Variants in PCGF3 observed in about 807,000 individuals in gnomAD.
PCGF3 encodes polycomb group ring finger 3.
PCGF3 carries 7 observed loss-of-function variants against 33.1 expected under a neutral mutation model. That is an observed-to-expected ratio of 0.21 (90% confidence interval 0.12 to 0.40). The LOEUF (loss-of-function observed/expected upper bound fraction) is 0.40, where lower values mean the gene tolerates loss of function less well. Among genes scored for constraint, PCGF3 ranks in the 10% least tolerant of loss-of-function variants. The probability of loss-of-function intolerance (pLI) is 1.00; values close to 1 mark genes in which losing one functional copy is unlikely to be tolerated. For missense variants in PCGF3, 211 were observed against 313.3 expected, an observed-to-expected ratio of 0.67 and a Z score of 2.46; for synonymous variants, 153 against 121.3, an observed-to-expected ratio of 1.26 and a Z score of -1.72.
exon 11 of PCGF3, chr4:769,548 AG>A: frequency 6.5e-6 from 1 of 152,842 alleles, no homozygotes; most frequent in South Asian, 2.1e-4. Flanking sequence ...TAAGTAGATT[AG>A]AAAATCATTC....
intron 8 of PCGF3, among the ~76,000 whole-genome samples, chr4:750,966 G>A (rs769427153): frequency 1.3e-5 from 2 of 152,036 alleles, no homozygotes; most frequent in South Asian, 2.1e-4. Flanking sequence ...GCTGTGTTAC[G>A]GAGGCCTTTG....
At chr4:731,441 G>T in intron 3 of PCGF3, 1 of 343,800 alleles carries the variant, frequency 2.9e-6, no homozygotes, top group Non-Finnish European at 5.3e-6. Context: ...GAGGCGGTCG[G>T]CTAGCATCCT....
intron 3 of PCGF3, among the ~76,000 whole-genome samples, chr4:733,261 C>T (rs1743691386): frequency 6.6e-6 from 1 of 152,230 alleles, no homozygotes; most frequent in East Asian, 1.9e-4. Context: ...TCCAGGTGCC[C>T]AGAGCCTGCC....
chr4:713,413 T>C (rs1742666818), intron 1 of PCGF3, among the ~76,000 whole-genome samples: 1 of 141,700 alleles, frequency 7.1e-6, no homozygotes, highest in Non-Finnish European at 1.5e-5. Flanking sequence ...GTGGGGGCTG[T>C]GGCCTCGTGG....
At chr4:762,219 AAAT>A (rs1461430786) in intron 9 of PCGF3, 9 of 513,870 alleles carry the variant, frequency 1.8e-5, no homozygotes, top group African/African-American at 2.1e-5. Flanking sequence ...TTTTGGGATG[AAAT>A]AATTCTGGAA....
At chr4:739,132 C>G (rs1382882004) in intron 6 of PCGF3, among the ~76,000 whole-genome samples, 1 of 152,176 alleles carries the variant, frequency 6.6e-6, no homozygotes, top group African/African-American at 2.4e-5. Context: ...GTAGAGATTC[C>G]TTAATACCAA....
intron 8 of PCGF3, among the ~76,000 whole-genome samples, chr4:756,704 C>T (rs34959417): frequency 0.29 from 44,163 of 151,906 alleles, 6,470 homozygotes; most frequent in South Asian, 0.37. Context: ...CCCAGTGTTA[C>T]ACAGCCACCA....
At chr4:743,909 G>C (rs1425456458) in intron 7 of PCGF3, 2 of 235,084 alleles carry the variant, frequency 8.5e-6, no homozygotes, top group Non-Finnish European at 1.7e-5. Context: ...TTGCTTTACT[G>C]TAAAATGGCA....
intron 8 of PCGF3, among the ~76,000 whole-genome samples, chr4:758,424 G>A (rs1744877457): frequency 2.2e-5 from 3 of 139,100 alleles, no homozygotes. Flanking sequence ...CTCCCCGCGC[G>A]GCCCCTCTCC....
chr4:724,543 T>C (rs1473985415), intron 1 of PCGF3, among the ~76,000 whole-genome samples: 1 of 152,242 alleles, frequency 6.6e-6, no homozygotes, highest in Non-Finnish European at 1.5e-5. Context: ...GAAATTATTC[T>C]TGGCCGGGCA....
intron 5 of PCGF3, among the ~76,000 whole-genome samples, chr4:735,278 G>A (rs1274477626): frequency 6.6e-6 from 1 of 152,212 alleles, no homozygotes; most frequent in East Asian, 1.9e-4. Context: ...CGGGCGCAGG[G>A]GCTCATGCCT....
At chr4:761,841 C>A in intron 9 of PCGF3, 1 of 985,318 alleles carries the variant, frequency 1.0e-6, no homozygotes, top group Non-Finnish European at 1.2e-6. Context: ...CATGAACATG[C>A]CAGTGTGGGT....
At chr4:756,749 C>A (rs1744785712) in intron 8 of PCGF3, among the ~76,000 whole-genome samples, 1 of 152,102 alleles carries the variant, frequency 6.6e-6, no homozygotes, top group African/African-American at 2.4e-5. Flanking sequence ...TTTTATCTTC[C>A]CAAACTGAAG....
chr4:711,345 G>A (rs992050208), intron 1 of PCGF3, among the ~76,000 whole-genome samples: 3 of 151,986 alleles, frequency 2.0e-5, no homozygotes, highest in Non-Finnish European at 4.4e-5. Context: ...GTCTTGTTTT[G>A]GTGTATGCTG....
At chr4:708,339 G>A (rs1162541397) in intron 1 of PCGF3, among the ~76,000 whole-genome samples, 1 of 152,138 alleles carries the variant, frequency 6.6e-6, no homozygotes, top group East Asian at 1.9e-4. Flanking sequence ...TGAGGAGCAT[G>A]TAGGCCCCAA....
At chr4:752,002 C>T (rs147210218) in intron 8 of PCGF3, among the ~76,000 whole-genome samples, 7 of 152,386 alleles carry the variant, frequency 4.6e-5, no homozygotes, top group South Asian at 2.1e-4. Flanking sequence ...CGCTGAGCAA[C>T]GCAAAAGCGT....
At position 761,978 on chromosome 4, in the gene PCGF3, C is replaced by T. The variant is rs983182408; in HGVS notation, c.600+562C>T. The T allele has an allele frequency of 1.2e-5, 12 of 985,122 alleles. No homozygotes were observed. The Admixed American group carries it at 3.1e-4, about 25-fold the overall frequency. 61.0% of individuals were successfully genotyped at this position (985,122 alleles called of 1,614,324 possible). ...TGGGTCTGGTGTCGTTTTTGAAAAT[C>T]GCTCAGGCTGTGCAGAAATGGACGC... On this transcript the variant is annotated intron_variant, in intron 9 of 10. Coordinates refer to ENST00000362003, the Ensembl canonical transcript of PCGF3.
At chr4:766,005 G>A in intron 10 of PCGF3, 27 bp from the exon 11 acceptor site, 1 of 1,612,090 alleles carries the variant, frequency 6.2e-7, no homozygotes, top group Non-Finnish European at 8.5e-7. Context: ...CTGCTAAGCA[G>A]GCACTGTGCG....
At chr4:748,584 G>T (rs1310697158) in intron 8 of PCGF3, among the ~76,000 whole-genome samples, 1 of 152,216 alleles carries the variant, frequency 6.6e-6, no homozygotes, top group African/African-American at 2.4e-5. Flanking sequence ...CGTGGGATGT[G>T]ATGGCGTTGC....
Sources: allele counts gnomAD v4.1 joint callset (sites outside exome capture counted in the v4.1 genomes callset), GRCh38; gene constraint gnomAD v4.1.1; transcripts MANE v1.5; gene names NCBI Gene and HGNC (gene_info 2026-07-23, HGNC 2026-07-21).